Variants in MYCBP2 observed in about 807,000 individuals in gnomAD.
The protein encoded by MYCBP2 is E3 ubiquitin-protein ligase MYCBP2.
In MYCBP2, 120 loss-of-function variants were observed where a neutral mutation model predicts 525.3. The observed-to-expected ratio is 0.23, with a 90% CI of 0.20 to 0.27. MYCBP2 has a LOEUF of 0.27. MYCBP2 is among the 10% of genes least tolerant of loss of function. The pLI is 1.00. For synonymous variants in MYCBP2, 1,894 were observed against 1,955.8 expected (o/e 0.97, Z 0.83); for missense variants, 4,149 against 5,657.1 (o/e 0.73, Z 8.55).
At chr13:77,113,359 A>G (rs970769014) in intron 55 of MYCBP2, among the ~76,000 whole-genome samples, 1 of 151,872 alleles carries the variant, frequency 6.6e-6, no homozygotes, top group Non-Finnish European at 1.5e-5. Flanking sequence ...TTCTTTAACT[A>G]GGTTGTATCT....
At position 77,095,570 on chromosome 13, in the gene MYCBP2, G is replaced by C. The variant is rs766559534; in HGVS notation, c.9987C>G (p.Val3329=). Residue 3329 remains valine, a synonymous_variant, in exon 58 of 83, where the codon GTC becomes GTG. Coordinates refer to ENST00000544440, the MANE Select transcript of MYCBP2 (RefSeq NM_015057.5). ...VKQSRRKPMQ[V]KTPRALPTME... is the part of the protein sequence containing the mutation. ...TGGTGGGCAAGGCACGAGGGGTCTT[G>C]ACTTGCATTGGTTTTCTCCTAGATT... The C allele has an allele frequency of 1.2e-6, 2 of 1,613,408 alleles. No homozygotes were observed. The highest frequency in any genetic ancestry group is 1.7e-5 in the Admixed American group (1 of 59,928).
chr13:77,096,175 T>C, intron 57 of MYCBP2, 137 bp downstream of exon 57: 1 of 889,864 alleles, frequency 1.1e-6, no homozygotes, highest in Non-Finnish European at 1.6e-6. Flanking sequence ...ATTAAATTTG[T>C]ATATGATTTC....
At chr13:77,101,192 T>C (rs2047009845) in intron 55 of MYCBP2, among the ~76,000 whole-genome samples, 1 of 152,062 alleles carries the variant, frequency 6.6e-6, no homozygotes, top group Non-Finnish European at 1.5e-5. Context: ...AATTAGTAAG[T>C]CTTTTATATT....
At chr13:77,290,326 G>A (rs1009890517) in intron 2 of MYCBP2, among the ~76,000 whole-genome samples, 2 of 152,160 alleles carry the variant, frequency 1.3e-5, no homozygotes, top group African/African-American at 4.8e-5. Context: ...AACTAAATAT[G>A]TGCTTACCAT....
intron 18 of MYCBP2, 91 bp from the exon 19 acceptor site, chr13:77,225,645 A>C: frequency 6.8e-7 from 1 of 1,472,920 alleles, no homozygotes; most frequent in Non-Finnish European, 9.3e-7. Flanking sequence ...AGAACAAGAG[A>C]AAAATGTTAA....
chr13:77,303,327 C>T (rs540463725), intron 1 of MYCBP2, among the ~76,000 whole-genome samples: 2 of 152,256 alleles, frequency 1.3e-5, no homozygotes, highest in African/African-American at 2.4e-5. Flanking sequence ...AGCGAGACTC[C>T]GTCTCAAAAC....
At chr13:77,088,542 A>C (rs1334208904) in intron 61 of MYCBP2, among the ~76,000 whole-genome samples, 3 of 152,150 alleles carry the variant, frequency 2.0e-5, no homozygotes, top group African/African-American at 7.2e-5. Flanking sequence ...CATTCTAATA[A>C]AATGACATTC....
chr13:77,273,518 G>A lies in MYCBP2; in HGVS notation c.899C>T (p.Ser300Phe). The change falls in exon 5 of 83, where the codon TCT becomes TTT. Residue 300 changes from serine to phenylalanine, a missense_variant. Ser to Phe is a radical substitution (Grantham distance 155). Around this residue, in one of 21 missense-constraint regions of MYCBP2, gnomAD observed 413 missense variants for 451.2 expected, o/e 0.92. Coordinates refer to ENST00000544440, the MANE Select transcript of MYCBP2 (RefSeq NM_015057.5). Reference sequence around the variant, plus strand: ...GCTTCCATTGTTGGTGAGGATAGCAGAGATGGCCTGAAGTGTCCTTCCTGT... The same window carrying A: ...GCTTCCATTGTTGGTGAGGATAGCAAAGATGGCCTGAAGTGTCCTTCCTGT... ...GETGRTLQAI[S>F]AILTNNGSHA... 6.2e-7 allele frequency: 1 copy of A among 1,611,054 alleles called. No homozygotes were observed. The highest frequency in any genetic ancestry group is 1.7e-4 in the Middle Eastern group (1 of 6,020).
At chr13:77,289,021 T>A (rs900680705) in intron 2 of MYCBP2, among the ~76,000 whole-genome samples, 3 of 152,090 alleles carry the variant, frequency 2.0e-5, no homozygotes, top group African/African-American at 7.2e-5. Context: ...AGACAGCAAC[T>A]ACAATTTCAA....
chr13:77,098,820 C>G lies in MYCBP2; in HGVS notation c.8334G>C (p.Lys2778Asn). 1 of 1,613,620 alleles carries G rather than the reference C, an allele frequency of 6.2e-7. No homozygotes were observed. The highest frequency in any genetic ancestry group is 8.5e-7 in the Non-Finnish European group (1 of 1,179,746). Reference protein sequence around the residue: ...ESLILKSDAAKLRSDSHSRSL... With the variant: ...ESLILKSDAANLRSDSHSRSL... ...ACCTACTGTGGGAATCTGACCTCAA[C>G]TTTGCAGCATCAGATTTTAAGATGA... The change falls in exon 56 of 83, where the codon AAG becomes AAC. Residue 2778 changes from lysine to asparagine, a missense_variant. Around this residue, in one of 21 missense-constraint regions of MYCBP2, gnomAD observed 653 missense variants for 744.7 expected, o/e 0.88. Coordinates refer to ENST00000544440, the MANE Select transcript of MYCBP2 (RefSeq NM_015057.5).
intron 76 of MYCBP2, 24 bp downstream of exon 76, chr13:77,061,145 T>G: frequency 2.5e-6 from 4 of 1,588,218 alleles, no homozygotes; most frequent in Non-Finnish European, 3.4e-6. Flanking sequence ...TTTAAAGGCA[T>G]GGCTCAATCT....
At chr13:77,068,449 A>G in intron 70 of MYCBP2, 116 bp downstream of exon 70, 1 of 1,291,904 alleles carries the variant, frequency 7.7e-7, no homozygotes, top group Non-Finnish European at 1.0e-6. Flanking sequence ...AAAATATAAC[A>G]AAATACGAAA....
In MYCBP2 at chr13:77,045,117, C is replaced by T. The variant is rs963169234; in HGVS notation, c.*261G>A. 3.4e-5 allele frequency: 15 copies of T among 442,842 alleles called. No individual in the cohort carries two copies. The East Asian group carries it at 4.9e-4, about 15-fold the overall frequency. The allele number at this position is 442,842 out of a possible 1,614,324, so 27.4% of individuals were successfully genotyped here. On this transcript the variant is annotated 3_prime_UTR_variant, in exon 83 of 83. Transcript: ENST00000544440. ...TATAAATGTCCAATGCTTCACAGGC[C>T]AATGACGGTAATGGCCACATGCAAA...
chr13:77,053,766 A>G (rs555851936), intron 80 of MYCBP2, among the ~76,000 whole-genome samples: 1 of 152,296 alleles, frequency 6.6e-6, no homozygotes, highest in Admixed American at 6.5e-5. Context: ...CTCTACTTAG[A>G]CATCCATTCA....
At chr13:77,147,596 TA>T (rs1451320541) in intron 47 of MYCBP2, among the ~76,000 whole-genome samples, 1 of 152,060 alleles carries the variant, frequency 6.6e-6, no homozygotes, top group African/African-American at 2.4e-5. Flanking sequence ...AAAAATGAAT[TA>T]GAAATGATCT....
chr13:77,068,417 G>C (rs1374463859), intron 70 of MYCBP2, 148 bp downstream of exon 70: 2 of 777,336 alleles, frequency 2.6e-6, no homozygotes, highest in Non-Finnish European at 3.8e-6. Context: ...GTAAAAAAGG[G>C]AGTAAAATAC....
chr13:77,133,597 A>C (rs1008502496), intron 52 of MYCBP2, among the ~76,000 whole-genome samples: 4 of 152,198 alleles, frequency 2.6e-5, no homozygotes, highest in Non-Finnish European at 5.9e-5. Context: ...TGGAGAAAGA[A>C]GTAAGCCTTC....
intron 65 of MYCBP2, 146 bp from the exon 66 acceptor site, chr13:77,079,035 T>C: frequency 3.2e-6 from 2 of 618,446 alleles, no homozygotes; most frequent in South Asian, 4.0e-5. Flanking sequence ...TCCCTCCAAC[T>C]AACCACGGTT....
At chr13:77,264,092 C>T (rs955192034) in intron 8 of MYCBP2, 90 bp from the exon 9 acceptor site, 1 of 951,104 alleles carries the variant, frequency 1.1e-6, no homozygotes, top group African/African-American at 1.7e-5. Context: ...AATGAGAGTT[C>T]TCCACGCAAT....
Sources: gnomAD v4.1 joint callset for allele counts (sites outside exome capture counted in the v4.1 genomes callset) on GRCh38, gnomAD v4.1.1 for gene constraint, gnomAD v4.1.1 regional missense constraint, MANE v1.5 for transcripts, NCBI Gene and HGNC (gene_info 2026-07-23, HGNC 2026-07-21) for gene names.